COL5A2: variants seen among roughly 807,000 people sequenced by gnomAD.
COL5A2 encodes the protein collagen type V alpha 2 chain, also known as collagen alpha-2(V) chain.
A neutral mutation model predicts 208.2 loss-of-function variants in COL5A2; 23 were observed. The ratio of observed to expected loss-of-function variants is 0.11; its 90% confidence interval spans 0.08 to 0.16. The LOEUF (loss-of-function observed/expected upper bound fraction) is 0.16. Ranked by LOEUF, COL5A2 falls within the 10% of genes least tolerant of loss-of-function variation. The pLI is 1.00. For missense variants in COL5A2, 1,590 were observed against 1,956.4 expected, an observed-to-expected ratio of 0.81 and a Z score of 3.53; for synonymous variants, 625 against 628.5, an observed-to-expected ratio of 0.99 and a Z score of 0.08.
At chr2:189,345,724 A>G in the COL5A2 span, among the ~76,000 whole-genome samples, 1 of 152,192 alleles carries the variant, frequency 6.6e-6, no homozygotes, top group Non-Finnish European at 1.5e-5. Flanking sequence ...GGTTGTTCAA[A>G]TAGAGAAGGG....
chr2:189,104,139 C>A (rs1442982821), intron 3 of COL5A2, 125 bp downstream of exon 3: 1 of 751,858 alleles, frequency 1.3e-6, no homozygotes, highest in African/African-American at 1.7e-5. Context: ...ATACTTGTCA[C>A]AATGTATTTG....
At position 189,058,853 on chromosome 2, in the gene COL5A2, G is replaced by C; in HGVS notation, c.2126C>G (p.Pro709Arg). The change falls in exon 32 of 54, where the codon CCT becomes CGT. Residue 709 changes from proline to arginine, a missense_variant. By Grantham distance (103) the Pro-to-Arg change is moderately radical (BLOSUM62 -2). Coordinates refer to ENST00000374866, the MANE Select transcript of COL5A2 (RefSeq NM_000393.5). The stretch of plus-strand genomic sequence containing the variant: ...CATGAAGATTAAAATACTTACTCTA[G>C]GTCCTAACGGGCCAACTGCTCCGGG... ...GDPGAVGPLGPRGERGNPGER... is the reference protein window; with the variant it reads ...GDPGAVGPLGRRGERGNPGER... 3 of 1,613,290 alleles carry C rather than the reference G, an allele frequency of 1.9e-6. No individual in the cohort carries two copies. The South Asian group carries it at 3.3e-5, about 18-fold the overall frequency.
At chr2:189,338,866 T>C in the COL5A2 span, among the ~76,000 whole-genome samples, 1 of 152,084 alleles carries the variant, frequency 6.6e-6, no homozygotes, top group African/African-American at 2.4e-5. Context: ...GCTGCTGCTC[T>C]ACTACCAAGC....
At chr2:189,327,519 GA>G in the COL5A2 span, among the ~76,000 whole-genome samples, 1 of 152,180 alleles carries the variant, frequency 6.6e-6, no homozygotes, top group African/African-American at 2.4e-5. Context: ...AGAATTAGAA[GA>G]GGGGGAGATG....
At chr2:189,138,961 C>A (rs1687879631) in intron 1 of COL5A2, among the ~76,000 whole-genome samples, 1 of 152,078 alleles carries the variant, frequency 6.6e-6, no homozygotes, top group Non-Finnish European at 1.5e-5. Context: ...TGTAGCTACC[C>A]CACCCTTTAA....
chr2:189,266,156 G>C, the COL5A2 span, among the ~76,000 whole-genome samples: 2 of 152,126 alleles, frequency 1.3e-5, no homozygotes, highest in Non-Finnish European at 2.9e-5. Flanking sequence ...GGCTGGGTGT[G>C]GTGGCTGATG....
the COL5A2 span, chr2:189,311,963 T>C: frequency 6.6e-6 from 5 of 756,636 alleles, no homozygotes; most frequent in African/African-American, 5.1e-5. Context: ...CCGAGTGACA[T>C]TGGTCATCAG....
intron 41 of COL5A2, among the ~76,000 whole-genome samples, chr2:189,051,777 A>G (rs1298157798): frequency 6.6e-6 from 1 of 152,240 alleles, no homozygotes; most frequent in Admixed American, 6.5e-5. Context: ...CTCCACTCCA[A>G]TGATGAATAT....
In COL5A2 at chr2:189,036,525, TA is replaced by T. The variant is rs142224900; in HGVS notation, c.4113+90del. On this transcript the variant is annotated intron_variant, in intron 52 of 53. Transcript: ENST00000374866. ...TAAACATGGTAAAATAAGCCTGGTT[TA>T]AAAAAATAGCAAAGTCCTAAATAAA... The T allele has an allele frequency of 0.043, 47,226 of 1,086,570 alleles. 1,187 individuals are homozygous for T. Among genetic ancestry groups the T allele is most frequent in the African/African-American group, 0.094 (5,888 of 62,840 alleles). 67.3% of individuals were successfully genotyped at this position (1,086,570 alleles called of 1,614,324 possible).
chr2:189,369,450 ATT>A, the COL5A2 span, among the ~76,000 whole-genome samples: 2 of 151,874 alleles, frequency 1.3e-5, no homozygotes, highest in Non-Finnish European at 2.9e-5. Context: ...AGATAATTTC[ATT>A]TTTGCTTTAT....
At chr2:189,188,031 G>C (rs573000116) in intron 1 of COL5A2, among the ~76,000 whole-genome samples, 1 of 151,994 alleles carries the variant, frequency 6.6e-6, no homozygotes, top group Admixed American at 6.5e-5. Context: ...CTAGAGGGAA[G>C]TTTAATCCTG....
intron 1 of COL5A2, among the ~76,000 whole-genome samples, chr2:189,194,622 A>C (rs967052958): frequency 1.3e-5 from 2 of 152,130 alleles, no homozygotes; most frequent in Admixed American, 1.3e-4. Context: ...GCTGTGCCCT[A>C]ATTTAAAATG....
the COL5A2 span, among the ~76,000 whole-genome samples, chr2:189,283,239 GA>G: frequency 6.6e-6 from 1 of 150,560 alleles, no homozygotes; most frequent in African/African-American, 2.4e-5. Context: ...AAGAGGGGGA[GA>G]AAAAAGGGAA....
intron 29 of COL5A2, 85 bp downstream of exon 29, chr2:189,062,780 C>A (rs7424947): frequency 4.7e-6 from 7 of 1,480,936 alleles, no homozygotes; most frequent in South Asian, 3.4e-5. Context: ...TGAAACTTAC[C>A]CATAAGTCTT....
At chr2:189,087,709 C>T (rs1302445253) in intron 8 of COL5A2, among the ~76,000 whole-genome samples, 6 of 150,902 alleles carry the variant, frequency 4.0e-5, no homozygotes, top group Admixed American at 1.3e-4. Flanking sequence ...CCTTGTGATC[C>T]GTCTGCCATG....
chr2:189,104,278 C>A lies in COL5A2; in HGVS notation c.323-1G>T. The A allele has an allele frequency of 6.6e-7, 1 of 1,505,852 alleles. No homozygotes were observed. The highest frequency in any genetic ancestry group is 1.7e-5 in the Admixed American group (1 of 59,392). 93.3% of individuals were successfully genotyped at this position (1,505,852 alleles called of 1,614,324 possible). A position where few individuals can be genotyped will look rare whatever the true frequency, so the allele number is the denominator to read the frequency against. On this transcript the variant is annotated splice_acceptor_variant, in intron 2 of 53. Transcript: ENST00000374866. LOFTEE classifies it high-confidence loss of function. ...GTAACACTTACCTTTCTTCCTCTACCTGTAAAAAGAAAAGAGTAAATGTGT... is the reference window on the plus strand; with the variant it reads ...GTAACACTTACCTTTCTTCCTCTACATGTAAAAAGAAAAGAGTAAATGTGT...
the COL5A2 span, among the ~76,000 whole-genome samples, chr2:189,352,002 CCT>C: frequency 6.6e-6 from 1 of 151,992 alleles, no homozygotes; most frequent in East Asian, 1.9e-4. Context: ...CTCCCCGCCC[CCT>C]GTGATCTCAT....
At chr2:189,369,590 TTTTG>T in the COL5A2 span, among the ~76,000 whole-genome samples, 3 of 152,138 alleles carry the variant, frequency 2.0e-5, no homozygotes, top group Non-Finnish European at 4.4e-5. Context: ...AATTGTTAAC[TTTTG>T]TGTGTATTAC....
chr2:189,195,052 A>T (rs1559143045), intron 1 of COL5A2, among the ~76,000 whole-genome samples: 1 of 152,206 alleles, frequency 6.6e-6, no homozygotes, highest in Non-Finnish European at 1.5e-5. Context: ...AGATGACATG[A>T]TTCTCTATTT....
Sources: allele counts gnomAD v4.1 joint callset (sites outside exome capture counted in the v4.1 genomes callset), GRCh38; gene constraint gnomAD v4.1.1; transcripts MANE v1.5; gene names NCBI Gene and HGNC (gene_info 2026-07-23, HGNC 2026-07-21).